The following CD80 variants were observed in gnomAD, a reference collection of about 807,000 sequenced individuals.
The protein encoded by CD80 is T-lymphocyte activation antigen CD80.
CD80 carries 13 observed loss-of-function variants against 27.1 expected under a neutral mutation model. The ratio of observed to expected loss-of-function variants is 0.48; its 90% CI spans 0.31 to 0.76. The LOEUF (loss-of-function observed/expected upper bound fraction) is 0.76. Among genes scored for constraint, CD80 ranks in the 30% least tolerant of loss-of-function variants. CD80 has a pLI of 0.04. For missense variants in CD80, 277 were observed against 347.9 expected, an observed-to-expected ratio of 0.80 and a Z score of 1.62; for synonymous variants, 125 against 125.5, an observed-to-expected ratio of 1.00 and a Z score of 0.03.
In CD80 at chr3:119,525,275, AAAC is replaced by A. The variant is rs2082058051; in HGVS notation, c.*510_*512del. On this transcript the variant is annotated 3_prime_UTR_variant, in exon 7 of 7. Coordinates refer to ENST00000264246, the MANE Select transcript of CD80 (RefSeq NM_005191.4). ...CCTATGCATTACATTGGGCTTTTGT[AAAC>A]AGCAGCATAAAATCTTCTACTCTGA... is the stretch of plus-strand genomic sequence containing the variant. 6.6e-6 allele frequency: 1 copy of A among 151,160 alleles called. No homozygotes were observed. The highest frequency in any genetic ancestry group is 1.5e-5 in the Non-Finnish European group (1 of 68,038). The allele number at this position is 151,160 out of a possible 1,614,324, so 9.4% of individuals were successfully genotyped here.
chr3:119,527,384 C>A (rs181989321), intron 6 of CD80: 75 of 182,482 alleles, frequency 4.1e-4, no homozygotes, highest in African/African-American at 1.6e-3. Context: ...TGACCCCAAC[C>A]CATGTCCATC....
intron 2 of CD80, among the ~76,000 whole-genome samples, chr3:119,554,116 T>G (rs1183159802): frequency 6.6e-6 from 1 of 152,238 alleles, no homozygotes; most frequent in Non-Finnish European, 1.5e-5. Flanking sequence ...ACTTTTTCTC[T>G]TTCTAAACAG....
At chr3:119,528,898 TGG>T (rs1182337773) in intron 5 of CD80, among the ~76,000 whole-genome samples, 2 of 137,272 alleles carry the variant, frequency 1.5e-5, no homozygotes, top group Non-Finnish European at 3.1e-5. Flanking sequence ...CACTCCAGCC[TGG>T]GTGGCAGAGT....
Position 119,524,633 on chromosome 3 carries a change from ATGT to A in CD80, c.*1152_*1154del, listed in dbSNP as rs771535146. On this transcript the variant is annotated 3_prime_UTR_variant, in exon 7 of 7. Transcript: ENST00000264246. ...CTGCCATGAGATGTGCATTTGAGAA[ATGT>A]TGTCTTCTTTTGCTGTTCAACTCCA... 7.2e-5 allele frequency: 11 copies of A among 152,328 alleles called. No homozygotes were observed. Among genetic ancestry groups the A allele is most frequent in the South Asian group, 4.1e-4 (2 of 4,824 alleles). The allele number at this position is 152,328 out of a possible 1,614,324, so 9.4% of individuals were successfully genotyped here.
chr3:119,551,916 C>T (rs1020808795), intron 2 of CD80, among the ~76,000 whole-genome samples: 5 of 152,240 alleles, frequency 3.3e-5, no homozygotes, highest in East Asian at 1.9e-4. Flanking sequence ...GCCCCTCCTG[C>T]ACCTCTACCC....
intron 3 of CD80, among the ~76,000 whole-genome samples, chr3:119,542,631 A>G (rs1388604954): frequency 6.6e-6 from 1 of 152,136 alleles, no homozygotes; most frequent in African/African-American, 2.4e-5. Context: ...AGTGAAAGAG[A>G]TCTAACTTAA....
At chr3:119,535,377 T>C (rs894481647) in intron 4 of CD80, among the ~76,000 whole-genome samples, 1 of 152,174 alleles carries the variant, frequency 6.6e-6, no homozygotes, top group African/African-American at 2.4e-5. Context: ...ATTATCAAAC[T>C]CAGTGTTTTG....
intron 2 of CD80, among the ~76,000 whole-genome samples, chr3:119,555,007 G>A (rs2082254970): frequency 6.6e-6 from 1 of 152,144 alleles, no homozygotes; most frequent in Admixed American, 6.5e-5. Flanking sequence ...CAAAGTGTAT[G>A]GTGGAGCAGC....
chr3:119,527,694 C>G, intron 6 of CD80, 39 bp downstream of exon 6: 1 of 1,243,154 alleles, frequency 8.0e-7, no homozygotes, highest in East Asian at 2.3e-5. Flanking sequence ...CTCATGATCC[C>G]CACGATCCAT....
intron 4 of CD80, among the ~76,000 whole-genome samples, chr3:119,534,372 C>CAA (rs59153952): frequency 1.8e-4 from 18 of 97,942 alleles, no homozygotes; most frequent in Admixed American, 5.3e-4. Context: ...AACTCTGTCT[C>CAA]AAAAAAAAAA....
intron 5 of CD80, among the ~76,000 whole-genome samples, 181 bp downstream of exon 5, chr3:119,529,661 G>A (rs577002627): frequency 3.9e-5 from 6 of 152,270 alleles, no homozygotes; most frequent in East Asian, 3.9e-4. Flanking sequence ...GGAGGTGTCC[G>A]GAAAATGTCC....
intron 5 of CD80, among the ~76,000 whole-genome samples, chr3:119,528,759 T>C (rs2082092574): frequency 6.6e-6 from 1 of 151,352 alleles, no homozygotes; most frequent in African/African-American, 2.4e-5. Context: ...CCGTCTCTAC[T>C]AAAAATACAA....
chr3:119,539,421 TA>T (rs541394834), intron 3 of CD80, among the ~76,000 whole-genome samples: 531 of 143,558 alleles, frequency 3.7e-3, no homozygotes, highest in South Asian at 7.3e-3. Flanking sequence ...TGGTTGAAAT[TA>T]AAAAAAAAAA....
chr3:119,547,143 T>C (rs1199999988), intron 2 of CD80, among the ~76,000 whole-genome samples: 1 of 152,210 alleles, frequency 6.6e-6, no homozygotes, highest in Non-Finnish European at 1.5e-5. Context: ...CTCCTGGTTG[T>C]TGGTATAGAA....
At chr3:119,530,017 C>A in intron 4 of CD80, 80 bp from the exon 5 acceptor site, 1 of 1,002,382 alleles carries the variant, frequency 1.0e-6, no homozygotes, top group South Asian at 1.4e-5. Flanking sequence ...TCTATTGATG[C>A]AACTGTGGAG....
rs1241604970 is a variant in CD80 at position 119,525,631 on chromosome 3, C to G, written c.*157G>C. On this transcript the variant is annotated 3_prime_UTR_variant, in exon 7 of 7. Coordinates refer to ENST00000264246, the MANE Select transcript of CD80 (RefSeq NM_005191.4). ...GCCCACCATATTCCTCTAGACACTT[C>G]CTGCAAAGCAACTGAAGTGAAGAAG... is the stretch of plus-strand genomic sequence containing the variant. The G allele has an allele frequency of 6.6e-6, 1 of 152,440 alleles. No homozygotes were observed. Among genetic ancestry groups the G allele is most frequent in the South Asian group, 2.1e-4 (1 of 4,836 alleles). 9.4% of individuals were successfully genotyped at this position (152,440 alleles called of 1,614,324 possible). A position where few individuals can be genotyped will look rare whatever the true frequency, so the allele number is the denominator to read the frequency against.
chr3:119,552,513 CAAAAAAAAAAAAA>C (rs11369803), intron 2 of CD80, among the ~76,000 whole-genome samples: 1 of 31,288 alleles, frequency 3.2e-5, no homozygotes, highest in Non-Finnish European at 6.2e-5. Context: ...GACTCTGTCT[CAAAAAAAAAAAAA>C]AAAAAAAAAA....
Position 119,529,715 on chromosome 3 carries a change from A to T in CD80, c.796+127T>A. ...GTTGAGACAAGTAAAGGAGATGCTC[A>T]TGTTTCCATAGGCTTGCTGTAAACA... On this transcript the variant is annotated intron_variant, in intron 5 of 6. Transcript: ENST00000264246. The T allele has an allele frequency of 1.4e-5, 9 of 658,198 alleles. No homozygotes were observed. The South Asian group carries it at 1.5e-4, about 11-fold the overall frequency. The allele number at this position is 658,198 out of a possible 1,614,324, so 40.8% of individuals were successfully genotyped here.
intron 3 of CD80, among the ~76,000 whole-genome samples, chr3:119,540,970 C>T (rs1011350972): frequency 6.6e-6 from 1 of 152,076 alleles, no homozygotes; most frequent in Non-Finnish European, 1.5e-5. Flanking sequence ...ATCGCTTGAA[C>T]CCAGGAGGCA....
Sources: allele counts gnomAD v4.1 joint callset (sites outside exome capture counted in the v4.1 genomes callset), GRCh38; gene constraint gnomAD v4.1.1; transcripts MANE v1.5; gene names NCBI Gene and HGNC (gene_info 2026-07-23, HGNC 2026-07-21).